Variants in DLGAP1 observed in about 807,000 individuals in gnomAD.
DLGAP1 encodes the protein disks large-associated protein 1.
DLGAP1 carries 11 observed loss-of-function variants against 90.8 expected under a neutral mutation model. The ratio of observed to expected loss-of-function variants is 0.12; its 90% CI spans 0.08 to 0.20. DLGAP1 has a LOEUF of 0.20. Among genes scored for constraint, DLGAP1 ranks in the 10% least tolerant of loss-of-function variants. The pLI is 1.00. For synonymous variants in DLGAP1, 558 were observed against 540.7 expected (o/e 1.03, Z -0.44); for missense variants, 1,050 against 1,333.8 (o/e 0.79, Z 3.31).
intron 4 of DLGAP1, among the ~76,000 whole-genome samples, chr18:3,873,830 C>T (rs1241476514): frequency 1.3e-5 from 2 of 151,996 alleles, no homozygotes; most frequent in Non-Finnish European, 2.9e-5. Flanking sequence ...GAATCCTGGT[C>T]CTGGAAAACA....
chr18:4,150,089 C>G (rs1433833136), intron 2 of DLGAP1, among the ~76,000 whole-genome samples: 1 of 152,184 alleles, frequency 6.6e-6, no homozygotes, highest in Non-Finnish European at 1.5e-5. Context: ...ACTTGCTAAC[C>G]CACCCATAAT....
chr18:4,256,117 T>C (rs896858245), intron 1 of DLGAP1, among the ~76,000 whole-genome samples: 2 of 152,220 alleles, frequency 1.3e-5, no homozygotes, highest in African/African-American at 4.8e-5. Flanking sequence ...GCCCTGCTCT[T>C]CTGGCCAGTC....
At chr18:3,570,681 C>T (rs1218290313) in intron 8 of DLGAP1, among the ~76,000 whole-genome samples, 1 of 151,810 alleles carries the variant, frequency 6.6e-6, no homozygotes, top group Non-Finnish European at 1.5e-5. Context: ...GTAGTCCTAG[C>T]ACTTTGGGAG....
chr18:4,408,984 C>CAA (rs1555613914), intron 1 of DLGAP1, among the ~76,000 whole-genome samples: 329 of 22,286 alleles, frequency 0.015, 1 homozygote, highest in Middle Eastern at 0.14. Context: ...CACACAAACA[C>CAA]ACACACACAC....
At chr18:4,136,272 T>C (rs2076400028) in intron 2 of DLGAP1, among the ~76,000 whole-genome samples, 1 of 152,170 alleles carries the variant, frequency 6.6e-6, no homozygotes, top group African/African-American at 2.4e-5. Context: ...GCAGTGAGAT[T>C]GTGGGATTGT....
At chr18:3,572,101 G>A (rs186782185) in intron 8 of DLGAP1, among the ~76,000 whole-genome samples, 24 of 138,456 alleles carry the variant, frequency 1.7e-4, no homozygotes, top group Admixed American at 1.5e-3. Flanking sequence ...CTTTTGAGAC[G>A]GAGTTTGGCT....
At position 3,517,159 on chromosome 18, in the gene DLGAP1, T is replaced by C. The variant is rs986169648; in HGVS notation, c.2480-8498A>G. Among the ~76,000 whole-genome samples the C allele has an allele frequency of 6.6e-6, 1 of 152,218 alleles. No homozygotes were observed. Among genetic ancestry groups the C allele is most frequent in the Non-Finnish European group, 1.5e-5 (1 of 68,042 alleles). On this transcript the variant is annotated intron_variant, in intron 10 of 12. Coordinates refer to ENST00000315677, the MANE Select transcript of DLGAP1 (RefSeq NM_004746.4). This position sits in a 1 kb window ranked among gnomAD's most constrained non-coding sequence, Gnocchi z 4.1. ...AGAGCACACAAATTTAGCATAATTTTTAAGGGCCGTAGGCTTTTCAGAATG... is the reference window on the plus strand; with the variant it reads ...AGAGCACACAAATTTAGCATAATTTCTAAGGGCCGTAGGCTTTTCAGAATG...
intron 1 of DLGAP1, among the ~76,000 whole-genome samples, chr18:4,237,709 A>C (rs1311537363): frequency 1.3e-5 from 2 of 152,112 alleles, no homozygotes; most frequent in African/African-American, 4.8e-5. Flanking sequence ...AAAGGAAGCA[A>C]TTTTTGCCTG....
chr18:3,823,012 A>G (rs1250293888), intron 4 of DLGAP1, among the ~76,000 whole-genome samples: 1 of 152,184 alleles, frequency 6.6e-6, no homozygotes, highest in Non-Finnish European at 1.5e-5. Context: ...ACAGGAAGGG[A>G]AATGAATTTT....
At chr18:4,034,507 C>T (rs2074856475) in intron 2 of DLGAP1, among the ~76,000 whole-genome samples, 1 of 152,180 alleles carries the variant, frequency 6.6e-6, no homozygotes, top group South Asian at 2.1e-4. Context: ...TACCTTTAAA[C>T]TATTCACAAA....
intron 1 of DLGAP1, among the ~76,000 whole-genome samples, chr18:4,432,982 T>C (rs535286705): frequency 6.6e-6 from 1 of 152,288 alleles, no homozygotes; most frequent in Non-Finnish European, 1.5e-5. Context: ...TCCTTTCCTT[T>C]CCTGAGTTCT....
intron 7 of DLGAP1, among the ~76,000 whole-genome samples, chr18:3,604,566 T>C (rs1261402130): frequency 2.6e-5 from 4 of 152,152 alleles, no homozygotes; most frequent in African/African-American, 9.7e-5. Context: ...ACGATCCCTT[T>C]ATCTGCCCCG....
chr18:4,016,660 C>T (rs570587979), intron 2 of DLGAP1, among the ~76,000 whole-genome samples: 33 of 141,950 alleles, frequency 2.3e-4, no homozygotes, highest in African/African-American at 7.4e-4. Flanking sequence ...GTAAGTGTTC[C>T]TTGAATTAAA....
At chr18:3,755,096 A>T (rs764851714) in intron 5 of DLGAP1, among the ~76,000 whole-genome samples, 2 of 152,146 alleles carry the variant, frequency 1.3e-5, no homozygotes, top group Non-Finnish European at 2.9e-5. Context: ...TTAAGATAAG[A>T]TACATATTGT....
intron 12 of DLGAP1, among the ~76,000 whole-genome samples, chr18:3,500,741 T>A (rs142068100): frequency 1.3e-5 from 2 of 152,316 alleles, no homozygotes; most frequent in Admixed American, 6.5e-5. Flanking sequence ...TAACTAATGA[T>A]TTACTATGTA....
At position 3,660,531 on chromosome 18, in the gene DLGAP1, G is replaced by T. The variant is rs559341900; in HGVS notation, c.1591+68604C>A. On this transcript the variant is annotated intron_variant, in intron 7 of 12. Transcript: ENST00000315677. This position sits in a 1 kb window ranked among gnomAD's most constrained non-coding sequence, Gnocchi z 4.2. The stretch of plus-strand genomic sequence containing the variant: ...ACTGAATGAAAAGGTGATCATTCCC[G>T]AGTATCCTCAAGGAGGATCTTATCA... 3.9e-5 allele frequency among the ~76,000 whole-genome samples: 6 copies of T among 152,220 alleles called. No individual in the cohort carries two copies. Among genetic ancestry groups the T allele is most frequent in the African/African-American group, 1.4e-4 (6 of 41,450 alleles).
chr18:4,360,094 A>T (rs1156497259), intron 1 of DLGAP1, among the ~76,000 whole-genome samples: 1 of 152,148 alleles, frequency 6.6e-6, no homozygotes. Flanking sequence ...GAAAAATAAT[A>T]TGAATTTGGG....
At chr18:3,990,439 A>T (rs2073939519) in intron 3 of DLGAP1, among the ~76,000 whole-genome samples, 1 of 141,056 alleles carries the variant, frequency 7.1e-6, no homozygotes. Flanking sequence ...AACAATGAGA[A>T]CACATGGACA....
chr18:3,861,233 G>A (rs372983114), intron 4 of DLGAP1, among the ~76,000 whole-genome samples: 2 of 152,178 alleles, frequency 1.3e-5, no homozygotes, highest in South Asian at 4.1e-4. Flanking sequence ...TTCCAATAGA[G>A]GATCTGTTCA....
Sources: allele counts gnomAD v4.1 joint callset (sites outside exome capture counted in the v4.1 genomes callset), GRCh38; gene constraint gnomAD v4.1.1; non-coding constraint Gnocchi (gnomAD v3.1); transcripts MANE v1.5; gene names NCBI Gene and HGNC (gene_info 2026-07-23, HGNC 2026-07-21).